Variants in CEP162 observed in about 807,000 individuals in gnomAD.
The protein encoded by CEP162 is centrosomal protein of 162 kDa.
A neutral mutation model predicts 169.2 loss-of-function variants in CEP162; 141 were observed. The ratio of observed to expected loss-of-function variants is 0.83; its 90% CI spans 0.73 to 0.96. The LOEUF (loss-of-function observed/expected upper bound fraction) is 0.96. Ranked by LOEUF, CEP162 falls within the 40% of genes least tolerant of loss-of-function variation. The pLI is 0.00. For missense variants in CEP162, 1,600 were observed against 1,587.2 expected (o/e 1.01, Z -0.14); for synonymous variants, 540 against 526.4 (o/e 1.03, Z -0.35).
At chr6:84,211,215 A>T (rs531889467) in intron 6 of CEP162, among the ~76,000 whole-genome samples, 1 of 152,062 alleles carries the variant, frequency 6.6e-6, no homozygotes, top group South Asian at 2.1e-4. Context: ...ATGAACTGTT[A>T]GAGTGAAAGA....
chr6:84,161,779 TTC>T lies in CEP162; in HGVS notation c.2641_2642del (p.Glu881SerfsTer3). 6.3e-7 allele frequency: 1 copy of T among 1,598,408 alleles called. No individual in the cohort carries two copies. Among genetic ancestry groups the T allele is most frequent in the Non-Finnish European group, 8.5e-7 (1 of 1,172,076 alleles). On this transcript the variant is annotated frameshift_variant, in exon 20 of 27. Transcript: ENST00000403245. LOFTEE classifies it high-confidence loss of function. Reference protein sequence around the residue: ...LLDKDALRLREANEEIEKLKL... With the variant: ...LLDKDALRLRXANEEIEKLKL... ...TGAGCTTCTCAATTTCCTCATTTGC[TTC>T]TCTAAGCCGAAGTGCATCTTTATCC...
chr6:84,143,719 C>T (rs574532396), intron 25 of CEP162, among the ~76,000 whole-genome samples: 2 of 151,832 alleles, frequency 1.3e-5, no homozygotes, highest in African/African-American at 4.8e-5. Flanking sequence ...TAAAAATGAG[C>T]CTTAATGTCA....
At position 84,153,195 on chromosome 6, in the gene CEP162, C is replaced by T; in HGVS notation, c.2995-16G>A. 1 of 1,579,146 alleles carries T rather than the reference C, an allele frequency of 6.3e-7. No homozygotes were observed. On this transcript the variant is annotated splice_polypyrimidine_tract_variant and intron_variant, in intron 22 of 26. Coordinates refer to ENST00000403245, the MANE Select transcript of CEP162 (RefSeq NM_014895.4). ...CATACTGAATCTGAAGGAAAGAATC[C>T]ATGTAATGCCAAACACCTGTTAAAC...
At chr6:84,173,931 C>T in intron 16 of CEP162, 117 bp downstream of exon 16, 1 of 743,540 alleles carries the variant, frequency 1.3e-6, no homozygotes, top group Non-Finnish European at 2.1e-6. Context: ...GTGATCCGCC[C>T]ACCTCATCCT....
chr6:84,176,759 A>C (rs960738666), intron 13 of CEP162, among the ~76,000 whole-genome samples: 2 of 152,160 alleles, frequency 1.3e-5, no homozygotes, highest in African/African-American at 2.4e-5. Flanking sequence ...TTTTGGATAC[A>C]TAATACTCAA....
Position 84,215,379 on chromosome 6 carries a change from C to CA in CEP162, c.405dup (p.Ala136CysfsTer4). 1 of 1,607,964 alleles carries CA rather than the reference C, an allele frequency of 6.2e-7. No individual in the cohort carries two copies. ...GATGTCAAGCCTTTCTCAAGCCTGG[C>CA]AAAAAATTGTTCTTTCTCCTCTTGT... On this transcript the variant is annotated frameshift_variant, in exon 5 of 27. Coordinates refer to ENST00000403245, the MANE Select transcript of CEP162 (RefSeq NM_014895.4). LOFTEE classifies it high-confidence loss of function.
At chr6:84,212,040 A>G (rs1269108418) in intron 6 of CEP162, among the ~76,000 whole-genome samples, 1 of 138,968 alleles carries the variant, frequency 7.2e-6, no homozygotes, top group Non-Finnish European at 1.5e-5. Flanking sequence ...TGCCCGAAGG[A>G]AAAAAAAACA....
rs1386501463 is a variant in CEP162 at position 84,180,861 on chromosome 6, G to GAA, written c.1663+4324_1663+4325dup. 3.4e-3 allele frequency among the ~76,000 whole-genome samples: 523 copies of GAA among 152,228 alleles called. 3 individuals carry two copies. The highest frequency in any genetic ancestry group is 0.012 in the African/African-American group (481 of 41,576). On this transcript the variant is annotated intron_variant, in intron 13 of 26. Coordinates refer to ENST00000403245, the MANE Select transcript of CEP162 (RefSeq NM_014895.4). ...AAATAAAAGAGGACACAAACAAATG[G>GAA]AAGAACATTCCATGCTCATGGATAG... is the stretch of plus-strand genomic sequence containing the variant.
intron 19 of CEP162, among the ~76,000 whole-genome samples, chr6:84,162,821 C>T (rs746589559): frequency 6.6e-6 from 1 of 152,156 alleles, no homozygotes; most frequent in Non-Finnish European, 1.5e-5. Context: ...CAACAGCCTA[C>T]AAAGTTTCAG....
intron 23 of CEP162, among the ~76,000 whole-genome samples, chr6:84,150,445 A>C (rs1454904304): frequency 6.6e-6 from 1 of 152,164 alleles, no homozygotes; most frequent in East Asian, 1.9e-4. Flanking sequence ...GTGCTTCCCA[A>C]CTATAGACAA....
At chr6:84,171,363 A>T (rs2099530037) in intron 17 of CEP162, among the ~76,000 whole-genome samples, 1 of 152,226 alleles carries the variant, frequency 6.6e-6, no homozygotes, top group South Asian at 2.1e-4. Flanking sequence ...TGTTTGAATC[A>T]GTTATGAACA....
chr6:84,144,521 G>A (rs2099518026), intron 25 of CEP162, among the ~76,000 whole-genome samples: 1 of 152,006 alleles, frequency 6.6e-6, no homozygotes, highest in Non-Finnish European at 1.5e-5. Context: ...TTTCCTAAGA[G>A]CTTTTGTAAG....
chr6:84,188,881 C>CCAGCAT (rs1206893137), intron 11 of CEP162, among the ~76,000 whole-genome samples: 3 of 152,054 alleles, frequency 2.0e-5, no homozygotes, highest in African/African-American at 7.2e-5. Flanking sequence ...TTCTCTGCAA[C>CCAGCAT]CAGCATATTT....
At chr6:84,221,620 A>AT (rs1293780587) in intron 2 of CEP162, among the ~76,000 whole-genome samples, 1 of 151,878 alleles carries the variant, frequency 6.6e-6, no homozygotes, top group Non-Finnish European at 1.5e-5. Flanking sequence ...AAAAATCAGC[A>AT]TTTTTTTTCA....
At chr6:84,189,379 G>A (rs534996481) in intron 11 of CEP162, among the ~76,000 whole-genome samples, 17 of 152,290 alleles carry the variant, frequency 1.1e-4, no homozygotes, top group South Asian at 1.0e-3. Flanking sequence ...GGAGAGGCAC[G>A]AGCGGGAACC....
At chr6:84,207,069 C>T (rs2099547453) in intron 6 of CEP162, among the ~76,000 whole-genome samples, 1 of 152,116 alleles carries the variant, frequency 6.6e-6, no homozygotes, top group Admixed American at 6.5e-5. Context: ...AGTCAGGAAA[C>T]AACAGGTGCT....
rs151067873 is a variant in CEP162 at position 84,212,988 on chromosome 6, A to G, written c.540T>C (p.His180=). ...QANAELTDDE[H]ENESKHEELA... ...GTTCTTCATGTTTCGATTCATTCTC[A>G]TGTTCGTCATCAGTTAGTTCTGCGT... The change falls in exon 6 of 27, where the codon CAT becomes CAC. Residue 180 remains histidine (H), a synonymous_variant. Coordinates refer to ENST00000403245, the MANE Select transcript of CEP162 (RefSeq NM_014895.4). 9.8e-5 allele frequency: 152 copies of G among 1,555,396 alleles called. No individual in the cohort carries two copies. The East Asian group carries it at 3.4e-3, about 35-fold the overall frequency.
intron 7 of CEP162, 76 bp downstream of exon 7, chr6:84,203,905 G>A (rs1182701677): frequency 4.8e-5 from 32 of 667,400 alleles, no homozygotes; most frequent in Non-Finnish European, 2.4e-6. Context: ...CATTTTTTGA[G>A]CTCTTCATAT....
chr6:84,214,449 C>T (rs564866586), intron 5 of CEP162, among the ~76,000 whole-genome samples: 1 of 152,282 alleles, frequency 6.6e-6, no homozygotes, highest in Non-Finnish European at 1.5e-5. Context: ...TTCTTTAATT[C>T]TGATCCAGGA....
Sources: allele counts gnomAD v4.1 joint callset (sites outside exome capture counted in the v4.1 genomes callset), GRCh38; gene constraint gnomAD v4.1.1; transcripts MANE v1.5; gene names NCBI Gene and HGNC (gene_info 2026-07-23, HGNC 2026-07-21).